ACACA: variants seen among roughly 807,000 people sequenced by gnomAD.
ACACA encodes the protein acetyl-CoA carboxylase 1.
Under a neutral mutation model 296.1 loss-of-function variants are expected in ACACA, and 103 were observed. The ratio of observed to expected loss-of-function variants is 0.35; its 90% CI spans 0.30 to 0.41. The LOEUF (loss-of-function observed/expected upper bound fraction) is 0.41, where lower values mean the gene tolerates loss of function less well. Ranked by LOEUF, ACACA falls within the 10% of genes least tolerant of loss-of-function variation. The probability of loss-of-function intolerance (pLI) is 1.00; values close to 1 mark genes in which losing one functional copy is unlikely to be tolerated. For synonymous variants in ACACA, 953 were observed against 1,038.6 expected, an observed-to-expected ratio of 0.92 and a Z score of 1.58; for missense variants, 1,554 against 2,989.7, an observed-to-expected ratio of 0.52 and a Z score of 11.20.
In ACACA at chr17:37,174,001, TATATATATATA is replaced by T. The variant is rs2076995385; in HGVS notation, c.5079+5248_5079+5258del. 1.6e-3 allele frequency among the ~76,000 whole-genome samples: 19 copies of T among 12,014 alleles called. 1 individual carries two copies. The highest frequency in any genetic ancestry group is 7.6e-3 in the African/African-American group (17 of 2,230). The allele number at this position is 12,014 out of a possible 152,430, so 7.9% of individuals were successfully genotyped here. On this transcript the variant is annotated intron_variant, in intron 41 of 55. Coordinates refer to ENST00000616317, the MANE Select transcript of ACACA (RefSeq NM_198834.3). ...GCTAATTTATATATATATATATATA[TATATATATATA>T]TATATATATTTTTTTTTTTTTTTTT...
chr17:37,259,468 G>A lies in ACACA; in HGVS notation c.1392C>T (p.Tyr464=), dbSNP rs2081349748. Reference sequence around the variant, plus strand: ...GAAAGTAGAAGCTGCCATCCTGGCTGTACAGGTATTCCACAGTCCCAGCAC... The same window carrying A: ...GAAAGTAGAAGCTGCCATCCTGGCTATACAGGTATTCCACAGTCCCAGCAC... The part of the protein sequence containing the change: ...YVSAGTVEYL[Y]SQDGSFYFLE... The change falls in exon 12 of 56, where the codon TAC becomes TAT. Residue 464 remains tyrosine, a synonymous_variant. Transcript: ENST00000616317. 1 of 1,614,146 alleles carries A rather than the reference G, an allele frequency of 6.2e-7. No homozygotes were observed. Among genetic ancestry groups the A allele is most frequent in the Non-Finnish European group, 8.5e-7 (1 of 1,180,010 alleles).
At chr17:37,206,174 G>A (rs184063265) in intron 32 of ACACA, among the ~76,000 whole-genome samples, 2 of 152,266 alleles carry the variant, frequency 1.3e-5, no homozygotes, top group Admixed American at 1.3e-4. Flanking sequence ...CAATAAAATG[G>A]GGGTGAAACT....
rs144603532 is a variant in ACACA at position 37,312,846 on chromosome 17, G to C, written c.338+17327C>G. ...GTTTGAAACCAGCCTGGACAACATA[G>C]CAAGACCCCATCTCTACAAAAAAAA... On this transcript the variant is annotated intron_variant, in intron 3 of 55. Coordinates refer to ENST00000616317, the MANE Select transcript of ACACA (RefSeq NM_198834.3). Among the ~76,000 whole-genome samples the C allele has an allele frequency of 7.5e-3, 1,143 of 151,912 alleles. 7 individuals carry two copies. Among genetic ancestry groups the C allele is most frequent in the Non-Finnish European group, 0.013 (901 of 67,974 alleles).
intron 31 of ACACA, among the ~76,000 whole-genome samples, 200 bp from the exon 32 acceptor site, chr17:37,207,079 A>T (rs2078535810): frequency 6.6e-6 from 1 of 152,236 alleles, no homozygotes; most frequent in South Asian, 2.1e-4. Flanking sequence ...TTTAAACTTT[A>T]ATAAACCATA....
chr17:37,241,743 A>G (rs921810684), intron 23 of ACACA, among the ~76,000 whole-genome samples: 20 of 152,136 alleles, frequency 1.3e-4, no homozygotes, highest in Admixed American at 5.2e-4. Context: ...TGACAGAAAA[A>G]AATGTAGAAT....
intron 25 of ACACA, 51 bp downstream of exon 25, chr17:37,234,924 C>A: frequency 6.2e-7 from 1 of 1,607,502 alleles, no homozygotes; most frequent in East Asian, 2.2e-5. Flanking sequence ...GAAAAAAATA[C>A]TTTTTGCATA....
intron 45 of ACACA, chr17:37,144,050 C>T: frequency 1.3e-6 from 1 of 769,148 alleles, no homozygotes; most frequent in Non-Finnish European, 2.4e-6. Context: ...TTTGTCTCCC[C>T]TTCAGGAGGG....
chr17:37,324,851 A>T (rs541114430), intron 3 of ACACA, among the ~76,000 whole-genome samples: 1 of 148,232 alleles, frequency 6.7e-6, no homozygotes, highest in East Asian at 2.0e-4. Flanking sequence ...AAAAAAAAAA[A>T]TTAAATTAAA....
At chr17:37,269,981 CAA>C (rs938508736) in intron 10 of ACACA, among the ~76,000 whole-genome samples, 1 of 152,124 alleles carries the variant, frequency 6.6e-6, no homozygotes, top group Non-Finnish European at 1.5e-5. Flanking sequence ...GAGGACAGAA[CAA>C]AAAGAGACCC....
intron 42 of ACACA, chr17:37,161,542 G>T: frequency 5.2e-6 from 3 of 581,616 alleles, no homozygotes; most frequent in Non-Finnish European, 9.1e-6. Context: ...TTCATCTAGT[G>T]CTCAACCAAA....
intron 1 of ACACA, among the ~76,000 whole-genome samples, chr17:37,359,809 C>G (rs1380938368): frequency 6.6e-6 from 1 of 152,102 alleles, no homozygotes; most frequent in Admixed American, 6.5e-5. Context: ...ACTCCATAAC[C>G]AGCCCCCCGT....
intron 45 of ACACA, chr17:37,143,925 A>G: frequency 8.1e-7 from 1 of 1,232,606 alleles, no homozygotes; most frequent in Non-Finnish European, 1.2e-6. Flanking sequence ...TCTTTGCAAC[A>G]TCACCAATGG....
At chr17:37,188,129 C>A in intron 39 of ACACA, 148 bp downstream of exon 39, 1 of 847,232 alleles carries the variant, frequency 1.2e-6, no homozygotes, top group South Asian at 1.5e-5. Flanking sequence ...TGAAGTTTTT[C>A]AAATTCATAC....
intron 3 of ACACA, 100 bp downstream of exon 3, chr17:37,330,073 C>T: frequency 6.8e-7 from 1 of 1,474,704 alleles, no homozygotes; most frequent in African/African-American, 1.4e-5. Flanking sequence ...TAGGAAAAGG[C>T]AAAGCAGTCT....
intron 25 of ACACA, among the ~76,000 whole-genome samples, chr17:37,229,242 A>T (rs1293994123): frequency 6.6e-6 from 1 of 152,126 alleles, no homozygotes; most frequent in Non-Finnish European, 1.5e-5. Context: ...ACCTTTACAG[A>T]TGAAACTAAA....
At chr17:37,390,253 T>TAAA (rs2050767925) in intron 1 of ACACA, among the ~76,000 whole-genome samples, 1 of 35,086 alleles carries the variant, frequency 2.9e-5, no homozygotes, top group East Asian at 1.8e-3. Context: ...TATATATATA[T>TAAA]TATATATAAT....
intron 10 of ACACA, 27 bp from the exon 11 acceptor site, chr17:37,263,921 A>C (rs2081627645): frequency 6.3e-7 from 1 of 1,597,680 alleles, no homozygotes; most frequent in Non-Finnish European, 8.6e-7. Flanking sequence ...GGAAAAAAAA[A>C]ACCAATTCTT....
At chr17:37,314,204 A>G (rs1450847097) in intron 3 of ACACA, among the ~76,000 whole-genome samples, 1 of 149,878 alleles carries the variant, frequency 6.7e-6, no homozygotes, top group Non-Finnish European at 1.5e-5. Flanking sequence ...ACGGGTTCAC[A>G]CTATTCTGCC....
At chr17:37,401,544 G>A (rs1358173909) in intron 1 of ACACA, among the ~76,000 whole-genome samples, 2 of 142,366 alleles carry the variant, frequency 1.4e-5, no homozygotes, top group African/African-American at 5.3e-5. Context: ...CTCCCATTCC[G>A]TAGGTTGTCT....
Sources: allele counts gnomAD v4.1 joint callset (sites outside exome capture counted in the v4.1 genomes callset), GRCh38; gene constraint gnomAD v4.1.1; transcripts MANE v1.5; gene names NCBI Gene and HGNC (gene_info 2026-07-23, HGNC 2026-07-21).